Variants in ERN1 observed in about 807,000 individuals in gnomAD.
The protein encoded by ERN1 is serine/threonine-protein kinase/endoribonuclease IRE1.
A neutral mutation model predicts 113.1 loss-of-function variants in ERN1; 39 were observed. That is an observed-to-expected ratio of 0.34 (90% confidence interval 0.27 to 0.45). The LOEUF (loss-of-function observed/expected upper bound fraction) is 0.45. ERN1 is among the 20% of genes least tolerant of loss of function. The pLI is 1.00. For synonymous variants in ERN1, 507 were observed against 515.9 expected (o/e 0.98, Z 0.23); for missense variants, 976 against 1,274.8 (o/e 0.77, Z 3.57).
rs1376302506 is a variant in ERN1 at position 64,055,885 on chromosome 17, G to A, written c.1462C>T (p.Leu488Phe). Residue 488 changes from leucine to phenylalanine, a missense_variant, in exon 13 of 22, where the codon CTC becomes TTC. Around this residue, in one of 5 missense-constraint regions of ERN1, gnomAD observed 16 missense variants for 42.3 expected, o/e 0.38. Transcript: ENST00000433197. ...AGCTGCTGCTGCTGCTGCTGCAGGA[G>A]CTGGATCTTCTCCAGTTCCTTCTGG... ...QFQKELEKIQ[L>F]LQQQQQQLPF... 7.1e-6 allele frequency: 11 copies of A among 1,550,992 alleles called. No homozygotes were observed. The South Asian group carries it at 1.3e-4, about 18-fold the overall frequency.
At chr17:64,094,857 C>T (rs920667680) in intron 2 of ERN1, among the ~76,000 whole-genome samples, 3 of 152,144 alleles carry the variant, frequency 2.0e-5, no homozygotes, top group African/African-American at 7.2e-5. Context: ...TGTTTTCCCA[C>T]TAGAATGAAA....
Position 64,044,058 on chromosome 17 carries a change from C to T in ERN1, c.2864G>A (p.Arg955Lys). ...GTGGAAGTAGTAGGGCTGGAAGAGT[C>T]TCTCGTGGCTGCACAGCTCCATGGC... Reference protein sequence around the residue: ...YRAMELCSHERLFQPYYFHEP... With the variant: ...YRAMELCSHEKLFQPYYFHEP... Residue 955 changes from arginine (R) to lysine (K), a missense_variant, in exon 22 of 22, where the codon AGA (arginine) becomes AAA (lysine). By Grantham distance (26) the Arg-to-Lys change is conservative. Transcript: ENST00000433197. The surrounding 1 kb of genome is among the most constrained non-coding windows in gnomAD (Gnocchi z 4.1). The T allele has an allele frequency of 6.2e-7, 1 of 1,613,706 alleles. No individual in the cohort carries two copies. The highest frequency in any genetic ancestry group is 8.5e-7 in the Non-Finnish European group (1 of 1,179,804).
chr17:64,124,159 G>A (rs1915021063), intron 1 of ERN1, among the ~76,000 whole-genome samples: 1 of 152,204 alleles, frequency 6.6e-6, no homozygotes, highest in Non-Finnish European at 1.5e-5. Flanking sequence ...AGGTGGGAAT[G>A]TAAAATAGTG....
chr17:64,063,879 G>C lies in ERN1; in HGVS notation c.1087+107C>G, dbSNP rs1913130734. The C allele has an allele frequency of 9.4e-7, 1 of 1,060,374 alleles. No individual in the cohort carries two copies. The highest frequency in any genetic ancestry group is 2.3e-5 in the Admixed American group (1 of 44,132). The allele number at this position is 1,060,374 out of a possible 1,614,324, so 65.7% of individuals were successfully genotyped here. A position where few individuals can be genotyped will look rare whatever the true frequency, so the allele number is the denominator to read the frequency against. On this transcript the variant is annotated intron_variant, in intron 10 of 21. Coordinates refer to ENST00000433197, the MANE Select transcript of ERN1 (RefSeq NM_001433.5). The surrounding 1 kb of genome is among the most constrained non-coding windows in gnomAD (Gnocchi z 5.1). ...AGGGGCCAGCCGGGAAGGGCTCTGAGCACAAGGCCTTCCGAGCTCAGTACG... is the reference window on the plus strand; with the variant it reads ...AGGGGCCAGCCGGGAAGGGCTCTGACCACAAGGCCTTCCGAGCTCAGTACG...
chr17:64,128,279 G>T (rs1323850719), intron 1 of ERN1, among the ~76,000 whole-genome samples: 1 of 151,268 alleles, frequency 6.6e-6, no homozygotes, highest in Non-Finnish European at 1.5e-5. Context: ...CCAAAGTGCT[G>T]GGATTACAGG....
At chr17:64,092,674 G>A (rs1209813091) in intron 2 of ERN1, among the ~76,000 whole-genome samples, 1 of 152,158 alleles carries the variant, frequency 6.6e-6, no homozygotes, top group African/African-American at 2.4e-5. Context: ...GAAAAGAATA[G>A]AGCAGGGTTG....
At chr17:64,099,424 C>T (rs1179101023) in intron 1 of ERN1, among the ~76,000 whole-genome samples, 1 of 151,892 alleles carries the variant, frequency 6.6e-6, no homozygotes, top group African/African-American at 2.4e-5. Context: ...ATAAGATTTC[C>T]CTTTTGAGGT....
rs1018087377 is a variant in ERN1, at chr17:64,054,022, C to G, written c.1953+228G>C. The G allele has an allele frequency of 2.1e-6, 1 of 469,774 alleles. No homozygotes were observed. The highest frequency in any genetic ancestry group is 5.9e-4 in the Middle Eastern group (1 of 1,696). The allele number at this position is 469,774 out of a possible 1,614,324, so 29.1% of individuals were successfully genotyped here. A position where few individuals can be genotyped will look rare whatever the true frequency, so the allele number is the denominator to read the frequency against. ...TGGCACAATCACTGCTTACTGCAGC[C>G]TTGATCTCCCAGGCTCAAGCAATCT... On this transcript the variant is annotated intron_variant, in intron 15 of 21. Coordinates refer to ENST00000433197, the MANE Select transcript of ERN1 (RefSeq NM_001433.5). This position sits in a 1 kb window ranked among gnomAD's most constrained non-coding sequence, Gnocchi z 4.9.
chr17:64,082,940 C>T (rs1274261019), intron 2 of ERN1, among the ~76,000 whole-genome samples: 1 of 152,048 alleles, frequency 6.6e-6, no homozygotes, highest in Non-Finnish European at 1.5e-5. Context: ...GTAAAATAAG[C>T]ACCTGGAATA....
intron 2 of ERN1, among the ~76,000 whole-genome samples, chr17:64,082,066 A>G (rs1341911677): frequency 6.6e-6 from 1 of 152,234 alleles, no homozygotes; most frequent in East Asian, 1.9e-4. Context: ...GGCTCTGCTT[A>G]TGGTGACAGA....
At chr17:64,103,282 A>C (rs1263650895) in intron 1 of ERN1, among the ~76,000 whole-genome samples, 4 of 152,260 alleles carry the variant, frequency 2.6e-5, no homozygotes, top group African/African-American at 9.6e-5. Flanking sequence ...GGATCACTTG[A>C]GGTCAGGAAT....
chr17:64,048,750 T>G (rs1037256852), intron 18 of ERN1, among the ~76,000 whole-genome samples: 2 of 152,146 alleles, frequency 1.3e-5, no homozygotes, highest in African/African-American at 4.8e-5. Context: ...GACCTCTGAT[T>G]ATTCAACCCT....
chr17:64,109,136 A>C (rs1200990650), intron 1 of ERN1, among the ~76,000 whole-genome samples: 3 of 142,356 alleles, frequency 2.1e-5, no homozygotes, highest in Admixed American at 2.0e-4. Flanking sequence ...AAAAAAATAG[A>C]AAAAAAAAAG....
At chr17:64,125,007 G>A (rs1404233412) in intron 1 of ERN1, among the ~76,000 whole-genome samples, 1 of 152,206 alleles carries the variant, frequency 6.6e-6, no homozygotes, top group Non-Finnish European at 1.5e-5. Flanking sequence ...TAATAGGTAT[G>A]AAGTTTATTT....
In ERN1 at chr17:64,055,664, A is replaced by G. The variant is rs762733039; in HGVS notation, c.1672+11T>C. 4 of 1,555,336 alleles carry G rather than the reference A, an allele frequency of 2.6e-6. No homozygotes were observed. The highest frequency in any genetic ancestry group is 2.0e-5 in the Admixed American group (1 of 49,568). On this transcript the variant is annotated intron_variant, in intron 13 of 21. Transcript: ENST00000433197. ...AACATAAAATAGCACCAAGATGGCAACTGGCTTTACCTCCATCGTCTTGTT... is the reference window on the plus strand; with the variant it reads ...AACATAAAATAGCACCAAGATGGCAGCTGGCTTTACCTCCATCGTCTTGTT...
At position 64,064,136 on chromosome 17, in the gene ERN1, G is replaced by T. The variant is rs751109121; in HGVS notation, c.937C>A (p.Leu313Ile). ...GVAVVPRGST[L>I]PLLEGPQTDG... ...GTCTGGGGCCCTTCCAGCAAAGGAA[G>T]TGTGCTGCCGCGGGGCTGTGGAGAG... Residue 313 changes from leucine to isoleucine, a missense_variant, in exon 10 of 22, where the codon CTT becomes ATT. This residue lies in a region of ERN1 where 459 missense variants were observed against 581.2 expected (regional missense o/e 0.79). Transcript: ENST00000433197. The T allele has an allele frequency of 3.7e-6, 6 of 1,601,852 alleles. No homozygotes were observed. Among genetic ancestry groups the T allele is most frequent in the Admixed American group, 1.7e-5 (1 of 57,956 alleles).
intron 4 of ERN1, among the ~76,000 whole-genome samples, chr17:64,077,847 G>A (rs919747648): frequency 1.3e-5 from 2 of 151,722 alleles, no homozygotes; most frequent in Non-Finnish European, 2.9e-5. Flanking sequence ...CCGGGTTCAC[G>A]CCATTTTCCT....
chr17:64,045,658 C>T (rs1236350665), intron 19 of ERN1, among the ~76,000 whole-genome samples, 176 bp from the exon 20 acceptor site: 1 of 152,162 alleles, frequency 6.6e-6, no homozygotes, highest in Non-Finnish European at 1.5e-5. Flanking sequence ...TGCTCTGTTC[C>T]TCACGAAGCA....
At chr17:64,107,521 T>G (rs948048376) in intron 1 of ERN1, among the ~76,000 whole-genome samples, 4 of 152,012 alleles carry the variant, frequency 2.6e-5, no homozygotes, top group African/African-American at 4.8e-5. Context: ...GGGGTCCTAC[T>G]ATGTTGCCCA....
Sources: gnomAD v4.1 joint callset for allele counts (sites outside exome capture counted in the v4.1 genomes callset) on GRCh38, gnomAD v4.1.1 for gene constraint, gnomAD v4.1.1 regional missense constraint, Gnocchi (gnomAD v3.1) non-coding constraint, MANE v1.5 for transcripts, NCBI Gene and HGNC (gene_info 2026-07-23, HGNC 2026-07-21) for gene names.